MAPT: variants seen among roughly 807,000 people sequenced by gnomAD.
MAPT encodes the protein microtubule associated protein tau.
Under a neutral mutation model 67.9 loss-of-function variants are expected in MAPT, and 34 were observed. That is an observed-to-expected ratio of 0.50 (90% confidence interval 0.38 to 0.67). MAPT has a LOEUF of 0.67. Ranked by LOEUF, MAPT falls within the 30% of genes least tolerant of loss-of-function variation. The probability of loss-of-function intolerance (pLI) is 0.00; values close to 1 mark genes in which losing one functional copy is unlikely to be tolerated. For synonymous variants in MAPT, 456 were observed against 464.5 expected (o/e 0.98, Z 0.23); for missense variants, 881 against 1,115.2 (o/e 0.79, Z 2.99).
At chr17:45,919,523 C>A (rs1339793541) in intron 1 of MAPT, among the ~76,000 whole-genome samples, 3 of 152,198 alleles carry the variant, frequency 2.0e-5, no homozygotes, top group Non-Finnish European at 4.4e-5. Flanking sequence ...CTCCGATGAC[C>A]CTGTCTCCTT....
At chr17:45,944,610 C>T (rs763780907) in intron 1 of MAPT, among the ~76,000 whole-genome samples, 2 of 152,184 alleles carry the variant, frequency 1.3e-5, no homozygotes, top group Non-Finnish European at 2.9e-5. Context: ...CAGGGTAGAG[C>T]GGGCCTCCCC....
At chr17:45,932,482 C>T (rs908226877) in intron 1 of MAPT, among the ~76,000 whole-genome samples, 3 of 147,916 alleles carry the variant, frequency 2.0e-5, no homozygotes, top group African/African-American at 2.5e-5. Flanking sequence ...CCCAGCTACT[C>T]GGGAGGCTGA....
intron 1 of MAPT, among the ~76,000 whole-genome samples, chr17:45,904,696 C>CT (rs112216179): frequency 0.033 from 4,867 of 146,546 alleles, 229 homozygotes; most frequent in South Asian, 0.21. Flanking sequence ...TGTCTCTAAA[C>CT]TTTTTTTTTT....
At chr17:45,904,549 G>A (rs1030341545) in intron 1 of MAPT, among the ~76,000 whole-genome samples, 2 of 149,346 alleles carry the variant, frequency 1.3e-5, no homozygotes, top group African/African-American at 4.9e-5. Context: ...AAAATTAGCT[G>A]GGCATGATGG....
chr17:45,943,238 A>G (rs1005870660), intron 1 of MAPT, among the ~76,000 whole-genome samples: 45 of 152,156 alleles, frequency 3.0e-4, no homozygotes, highest in African/African-American at 1.1e-3. Context: ...TACTTTTAGT[A>G]AAGATGTTGT....
In MAPT at chr17:46,028,154, C is replaced by G. The variant is rs1158147255; in HGVS notation, c.*3983C>G. ...CCATGTTGAGCAGGACTATTTCTGGCACTTGCAAGTCCCATGATTTCTTCG... is the reference window on the plus strand; with the variant it reads ...CCATGTTGAGCAGGACTATTTCTGGGACTTGCAAGTCCCATGATTTCTTCG... On this transcript the variant is annotated 3_prime_UTR_variant, in exon 13 of 13. Transcript: ENST00000262410. 2 of 128,568 alleles carry G rather than the reference C, an allele frequency of 1.6e-5. No homozygotes were observed. Among genetic ancestry groups the G allele is most frequent in the African/African-American group, 6.2e-5 (2 of 32,376 alleles). The allele number at this position is 128,568 out of a possible 1,614,324, so 8.0% of individuals were successfully genotyped here. A position where few individuals can be genotyped will look rare whatever the true frequency, so the allele number is the denominator to read the frequency against.
chr17:46,016,493 C>T (rs1010954315), intron 11 of MAPT, among the ~76,000 whole-genome samples: 1 of 152,166 alleles, frequency 6.6e-6, no homozygotes, highest in Non-Finnish European at 1.5e-5. Context: ...TGCTGTCGGC[C>T]AGGCGCGGTG....
intron 12 of MAPT, among the ~76,000 whole-genome samples, chr17:46,022,437 C>G (rs2076589151): frequency 6.7e-6 from 1 of 149,072 alleles, no homozygotes; most frequent in African/African-American, 2.5e-5. Context: ...CCCAAATGAA[C>G]AAAATATGCA....
intron 1 of MAPT, among the ~76,000 whole-genome samples, chr17:45,902,077 T>C (rs1253333224): frequency 6.6e-6 from 1 of 152,182 alleles, no homozygotes; most frequent in Non-Finnish European, 1.5e-5. Context: ...TGCACCTTAT[T>C]TTTTAATCTT....
Position 45,901,312 on chromosome 17 carries a change from G to A in MAPT, c.-18+6626G>A, listed in dbSNP as rs574680367. 2.1e-3 allele frequency among the ~76,000 whole-genome samples: 318 copies of A among 152,318 alleles called. 7 individuals are homozygous for A. In the South Asian group the frequency reaches 0.055, roughly 27 times the overall value. Reference sequence around the variant, plus strand: ...GCAGGGTGACCTGGCTTAGTACATCGGGTTCAGAGATCTTTCCAGTTTACT... The same window carrying A: ...GCAGGGTGACCTGGCTTAGTACATCAGGTTCAGAGATCTTTCCAGTTTACT... On this transcript the variant is annotated intron_variant, in intron 1 of 12. Transcript: ENST00000262410.
intron 1 of MAPT, among the ~76,000 whole-genome samples, chr17:45,945,482 A>T (rs529694093): frequency 6.6e-6 from 1 of 152,316 alleles, no homozygotes; most frequent in African/African-American, 2.4e-5. Context: ...CTCAACAGCG[A>T]TGCTACAAAT....
intron 1 of MAPT, among the ~76,000 whole-genome samples, chr17:45,922,694 T>C (rs1252882811): frequency 6.6e-6 from 1 of 152,170 alleles, no homozygotes; most frequent in African/African-American, 2.4e-5. Flanking sequence ...GGGTTTTCAC[T>C]GAGAATGGGA....
intron 1 of MAPT, among the ~76,000 whole-genome samples, chr17:45,925,260 C>T (rs549661588): frequency 2.6e-4 from 39 of 152,192 alleles, no homozygotes; most frequent in Non-Finnish European, 5.0e-4. Context: ...TCTTCAGCCC[C>T]TCTCCAGGGT....
intron 6 of MAPT, among the ~76,000 whole-genome samples, chr17:45,987,820 T>C (rs932384832): frequency 6.6e-6 from 1 of 152,164 alleles, no homozygotes; most frequent in African/African-American, 2.4e-5. Context: ...GAAGGGCCTG[T>C]GGGGATTTGG....
chr17:45,914,723 CTTT>C (rs72448143), intron 1 of MAPT, among the ~76,000 whole-genome samples: 5 of 142,664 alleles, frequency 3.5e-5, no homozygotes, highest in Admixed American at 6.9e-5. Flanking sequence ...TACTTTTTAC[CTTT>C]TTTTTTTTTT....
intron 1 of MAPT, among the ~76,000 whole-genome samples, chr17:45,953,521 C>G (rs948114955): frequency 1.3e-5 from 2 of 152,160 alleles, no homozygotes. Context: ...CCATGCATTC[C>G]ACTTTTTTCC....
At chr17:46,018,957 A>G (rs1158670316) in intron 12 of MAPT, among the ~76,000 whole-genome samples, 1 of 152,186 alleles carries the variant, frequency 6.6e-6, no homozygotes. Flanking sequence ...AGGCTGACCA[A>G]TGGGTCTCAG....
chr17:46,020,178 G>C (rs1319075288), intron 12 of MAPT, among the ~76,000 whole-genome samples: 4 of 152,216 alleles, frequency 2.6e-5, no homozygotes, highest in Non-Finnish European at 5.9e-5. Flanking sequence ...GCAAAACAAT[G>C]ATGCCGAAAT....
At chr17:45,923,318 G>A (rs1459369603) in intron 1 of MAPT, among the ~76,000 whole-genome samples, 1 of 152,202 alleles carries the variant, frequency 6.6e-6, no homozygotes, top group East Asian at 1.9e-4. Context: ...TCCAGAACAA[G>A]GGGATGCAGG....
Sources: allele counts gnomAD v4.1 joint callset (sites outside exome capture counted in the v4.1 genomes callset), GRCh38; gene constraint gnomAD v4.1.1; transcripts MANE v1.5; gene names NCBI Gene and HGNC (gene_info 2026-07-23, HGNC 2026-07-21).